KLHL8: variants seen among roughly 807,000 people sequenced by gnomAD.
The protein encoded by KLHL8 is kelch like family member 8.
In KLHL8, 38 loss-of-function variants were observed where a neutral mutation model predicts 63.5. The observed-to-expected ratio is 0.60, with a 90% confidence interval of 0.46 to 0.78. KLHL8 has a LOEUF of 0.78. KLHL8 is among the 30% of genes least tolerant of loss of function. The probability of loss-of-function intolerance (pLI) is 0.00; values close to 1 mark genes in which losing one functional copy is unlikely to be tolerated. For synonymous variants in KLHL8, 224 were observed against 254.3 expected (o/e 0.88, Z 1.13); for missense variants, 566 against 752.4 (o/e 0.75, Z 2.90).
At position 87,173,189 on chromosome 4, in the gene KLHL8, C is replaced by G. The variant is rs148495558; in HGVS notation, c.1209-2574G>C. Among the ~76,000 whole-genome samples, 370 of 152,260 alleles carry G rather than the reference C, an allele frequency of 2.4e-3. 2 individuals are homozygous for G. Among genetic ancestry groups the G allele is most frequent in the African/African-American group, 8.5e-3 (354 of 41,556 alleles). On this transcript the variant is annotated intron_variant, in intron 6 of 9. Transcript: ENST00000273963. ...CTTAATCAGGCTAAATTCTGCAGTT[C>G]CTTCAGATCATAATAAATGGGACTT...
Position 87,160,829 on chromosome 4 carries a change from T to C in KLHL8, c.*2690A>G, listed in dbSNP as rs546961036. The C allele has an allele frequency of 2.6e-5, 4 of 152,262 alleles. No individual in the cohort carries two copies. In the South Asian group the frequency reaches 8.3e-4, roughly 32 times the overall value. The allele number at this position is 152,262 out of a possible 1,614,324, so 9.4% of individuals were successfully genotyped here. On this transcript the variant is annotated 3_prime_UTR_variant, in exon 10 of 10. Transcript: ENST00000273963. ...AGTATTTTAGCTCTATCTCATATCA[T>C]TTTTTGGTAGGTGCTGTTAACATAT...
At chr4:87,174,421 G>A (rs1578364498) in intron 6 of KLHL8, among the ~76,000 whole-genome samples, 2 of 152,034 alleles carry the variant, frequency 1.3e-5, no homozygotes, top group Admixed American at 6.6e-5. Context: ...TGGGATTACA[G>A]GCACCCGCCA....
At chr4:87,192,883 C>G (rs896647786) in intron 2 of KLHL8, among the ~76,000 whole-genome samples, 5 of 152,046 alleles carry the variant, frequency 3.3e-5, no homozygotes, top group African/African-American at 1.2e-4. Flanking sequence ...AGGAAAGGTA[C>G]AGTAAAAATA....
intron 1 of KLHL8, among the ~76,000 whole-genome samples, chr4:87,218,242 C>CTTTT (rs538856327): frequency 6.9e-6 from 1 of 145,452 alleles, no homozygotes. Flanking sequence ...ATTTACCCAA[C>CTTTT]TTTTTTTTTT....
At chr4:87,184,559 A>G (rs1164637938) in intron 3 of KLHL8, among the ~76,000 whole-genome samples, 2 of 152,088 alleles carry the variant, frequency 1.3e-5, no homozygotes, top group African/African-American at 4.8e-5. Context: ...AAATAAGAAC[A>G]CTCTTCTTTT....
In KLHL8 at chr4:87,236,399, G is replaced by A. The variant is rs182878190; in HGVS notation, n.57+3859C>T. Among the ~76,000 whole-genome samples, 435 of 151,680 alleles carry A rather than the reference G, an allele frequency of 2.9e-3. 1 individual carries two copies. The highest frequency in any genetic ancestry group is 9.6e-3 in the African/African-American group (398 of 41,406). ...AATTTTTGTATTTTTGGTAGAGACGGGATTTCACTATGTTGGCCACACTGG... is the reference window on the plus strand; with the variant it reads ...AATTTTTGTATTTTTGGTAGAGACGAGATTTCACTATGTTGGCCACACTGG... On this transcript the variant is annotated intron_variant and non_coding_transcript_variant, in intron 1 of 1. Coordinates refer to the KLHL8 transcript ENST00000506274.
At chr4:87,189,120 C>T (rs1281965813) in intron 2 of KLHL8, among the ~76,000 whole-genome samples, 3 of 152,130 alleles carry the variant, frequency 2.0e-5, no homozygotes, top group East Asian at 1.9e-4. Context: ...ACACAGAAAA[C>T]GGAAGTGAGG....
chr4:87,231,022 C>T (rs918747328), intron 1 of KLHL8, among the ~76,000 whole-genome samples: 2 of 152,166 alleles, frequency 1.3e-5, no homozygotes, highest in African/African-American at 4.8e-5. Context: ...ATTTTTCTCT[C>T]TGTCTGGGTA....
intron 6 of KLHL8, among the ~76,000 whole-genome samples, chr4:87,174,926 TAC>T (rs1730767320): frequency 6.6e-6 from 1 of 152,214 alleles, no homozygotes. Context: ...TAAATCAACA[TAC>T]ACTCTTAAAA....
At chr4:87,234,881 C>G (rs570857193) in intron 1 of KLHL8, among the ~76,000 whole-genome samples, 41 of 152,084 alleles carry the variant, frequency 2.7e-4, no homozygotes, top group African/African-American at 8.2e-4. Context: ...ACTGTGTAGT[C>G]CTAGGCTAAT....
chr4:87,214,441 T>TAG (rs1005190323), intron 1 of KLHL8, among the ~76,000 whole-genome samples: 4 of 83,990 alleles, frequency 4.8e-5, no homozygotes, highest in Non-Finnish European at 8.5e-5. Context: ...TATATATATA[T>TAG]ATATATATAT....
chr4:87,224,129 T>C (rs1489526486), upstream of KLHL8, among the ~76,000 whole-genome samples: 1 of 152,174 alleles, frequency 6.6e-6, no homozygotes, highest in Non-Finnish European at 1.5e-5. Context: ...TGGCACGATC[T>C]TGGCTTACTG....
chr4:87,205,907 T>C (rs1396852913), intron 1 of KLHL8, among the ~76,000 whole-genome samples: 2 of 152,204 alleles, frequency 1.3e-5, no homozygotes, highest in Admixed American at 6.5e-5. Flanking sequence ...GCCTGTGCTA[T>C]TAACTACCAC....
chr4:87,193,318 A>T (rs1731565872), intron 2 of KLHL8, among the ~76,000 whole-genome samples: 1 of 152,150 alleles, frequency 6.6e-6, no homozygotes, highest in South Asian at 2.1e-4. Flanking sequence ...AGTAGCCTGC[A>T]TCTATATCAA....
chr4:87,232,661 G>A (rs924879423), intron 1 of KLHL8, among the ~76,000 whole-genome samples: 3 of 152,190 alleles, frequency 2.0e-5, no homozygotes, highest in Non-Finnish European at 4.4e-5. Flanking sequence ...TCCAGTGATC[G>A]TACATTCTGG....
At chr4:87,169,645 T>C (rs1052053743) in intron 8 of KLHL8, among the ~76,000 whole-genome samples, 1 of 152,176 alleles carries the variant, frequency 6.6e-6, no homozygotes, top group African/African-American at 2.4e-5. Flanking sequence ...GAGGATCACC[T>C]AAGGCCAGTT....
chr4:87,239,384 T>C (rs1733290162), intron 1 of KLHL8, among the ~76,000 whole-genome samples: 1 of 152,206 alleles, frequency 6.6e-6, no homozygotes, highest in African/African-American at 2.4e-5. Flanking sequence ...CTGTTAAGAA[T>C]CTGACTCCAT....
intron 1 of KLHL8, among the ~76,000 whole-genome samples, chr4:87,210,257 G>A (rs528671281): frequency 1.3e-5 from 2 of 152,090 alleles, no homozygotes; most frequent in Non-Finnish European, 1.5e-5. Context: ...CGAGGCGGGC[G>A]GATCACGAGG....
At chr4:87,186,246 C>T (rs2109995713) in intron 2 of KLHL8, among the ~76,000 whole-genome samples, 1 of 152,030 alleles carries the variant, frequency 6.6e-6, no homozygotes, top group East Asian at 1.9e-4. Context: ...CAGGGTTTCA[C>T]CACGTTGGCC....
Sources: gnomAD v4.1 joint callset for allele counts (sites outside exome capture counted in the v4.1 genomes callset) on GRCh38, gnomAD v4.1.1 for gene constraint, MANE v1.5 for transcripts, NCBI Gene and HGNC (gene_info 2026-07-23, HGNC 2026-07-21) for gene names.